DGKD: variants seen among roughly 807,000 people sequenced by gnomAD.
The protein encoded by DGKD is DAG kinase delta.
In DGKD, 68 loss-of-function variants were observed where a neutral mutation model predicts 154.4. The ratio of observed to expected loss-of-function variants is 0.44; its 90% confidence interval spans 0.36 to 0.54. The LOEUF (loss-of-function observed/expected upper bound fraction) is 0.54. Among genes scored for constraint, DGKD ranks in the 20% least tolerant of loss-of-function variants. The pLI is 0.00. For synonymous variants in DGKD, 693 were observed against 638.0 expected (o/e 1.09, Z -1.30); for missense variants, 1,343 against 1,593.6 (o/e 0.84, Z 2.68).
chr2:233,464,307 C>T (rs1483082236), intron 27 of DGKD, 24 bp downstream of exon 27: 1 of 1,610,082 alleles, frequency 6.2e-7, no homozygotes. Flanking sequence ...AGGGCTGTGC[C>T]TGGGTCTCCC....
chr2:233,468,583 G>A (rs1207888931), intron 29 of DGKD, 30 bp downstream of exon 29: 3 of 1,612,132 alleles, frequency 1.9e-6, no homozygotes, highest in Admixed American at 1.7e-5. Flanking sequence ...CCTGGAACCT[G>A]CACTTGGGCT....
At chr2:233,369,694 G>C (rs1056832544) in intron 1 of DGKD, among the ~76,000 whole-genome samples, 2 of 152,162 alleles carry the variant, frequency 1.3e-5, no homozygotes, top group African/African-American at 4.8e-5. Flanking sequence ...ACAATCTGGG[G>C]CTGGCCGTGG....
Position 233,454,808 on chromosome 2 carries a change from T to A in DGKD, c.2310T>A (p.Ile770=), listed in dbSNP as rs760960147. ...GTGTCATGAACAACTATTTTGGCAT[T>A]GGCCTGGATGCGAAGATATCCCTGG... ...EKCVMNNYFG[I]GLDAKISLDF... is the part of the protein sequence containing the mutation. Residue 770 remains isoleucine (I), a synonymous_variant, in exon 19 of 30, where the codon ATT becomes ATA. Coordinates refer to ENST00000264057, the MANE Select transcript of DGKD (RefSeq NM_152879.3). 2 of 1,614,054 alleles carry A rather than the reference T, an allele frequency of 1.2e-6. No homozygotes were observed. Among genetic ancestry groups the A allele is most frequent in the South Asian group, 2.2e-5 (2 of 91,076 alleles).
chr2:233,414,772 A>C (rs2061918209), intron 3 of DGKD, among the ~76,000 whole-genome samples: 1 of 152,126 alleles, frequency 6.6e-6, no homozygotes, highest in Admixed American at 6.5e-5. Flanking sequence ...CCTTAGAGTT[A>C]GTTTTGGGGG....
chr2:233,458,830 A>G lies in DGKD; in HGVS notation c.2694+433A>G, dbSNP rs1346551156. On this transcript the variant is annotated intron_variant, in intron 22 of 29. Coordinates refer to ENST00000264057, the MANE Select transcript of DGKD (RefSeq NM_152879.3). This position sits in a 1 kb window ranked among gnomAD's most constrained non-coding sequence, Gnocchi z 6.6. ...GCTGGTCTCGAACTCCTGACCTCAA[A>G]TGATCCACCCACCTTGGCCTCCCAA... is the stretch of plus-strand genomic sequence containing the variant. Among the ~76,000 whole-genome samples, 3 of 152,048 alleles carry G rather than the reference A, an allele frequency of 2.0e-5. No individual in the cohort carries two copies. Among genetic ancestry groups the G allele is most frequent in the African/African-American group, 7.2e-5 (3 of 41,404 alleles).
At chr2:233,429,019 A>G (rs1005009429) in intron 3 of DGKD, 1 of 640,830 alleles carries the variant, frequency 1.6e-6, no homozygotes, top group Non-Finnish European at 1.9e-6. Flanking sequence ...ATCTTAACTC[A>G]CTGTCTTTAA....
In DGKD at chr2:233,457,520, G is replaced by A; in HGVS notation, c.2580+192G>A. 1 of 678,552 alleles carries A rather than the reference G, an allele frequency of 1.5e-6. No homozygotes were observed. The highest frequency in any genetic ancestry group is 2.7e-6 in the Non-Finnish European group (1 of 369,166). The allele number at this position is 678,552 out of a possible 1,614,324, so 42.0% of individuals were successfully genotyped here. A position where few individuals can be genotyped will look rare whatever the true frequency, so the allele number is the denominator to read the frequency against. The stretch of plus-strand genomic sequence containing the variant: ...CTAGAGGGCTGAGCAGAGCAGTTGT[G>A]TCAGTGAAGGTGGTCAGTGAGGGTC... On this transcript the variant is annotated intron_variant, in intron 21 of 29. Coordinates refer to ENST00000264057, the MANE Select transcript of DGKD (RefSeq NM_152879.3). This position sits in a 1 kb window ranked among gnomAD's most constrained non-coding sequence, Gnocchi z 5.5.
rs531822062 is a variant in DGKD at position 233,355,281 on chromosome 2, C to G, written c.156+607C>G. 1.6e-4 allele frequency among the ~76,000 whole-genome samples: 25 copies of G among 152,350 alleles called. No individual in the cohort carries two copies. In the South Asian group the frequency reaches 5.2e-3, roughly 32 times the overall value. Reference sequence around the variant, plus strand: ...GCCGGGACCGCGCACCCGCTTGGCACCCAACTCTCCACGGAGAACTCCTGA... The same window carrying G: ...GCCGGGACCGCGCACCCGCTTGGCAGCCAACTCTCCACGGAGAACTCCTGA... On this transcript the variant is annotated intron_variant, in intron 1 of 29. Transcript: ENST00000264057.
intron 1 of DGKD, among the ~76,000 whole-genome samples, chr2:233,363,193 G>GC (rs1270171992): frequency 1.6e-4 from 25 of 152,198 alleles, no homozygotes; most frequent in African/African-American, 6.0e-4. Flanking sequence ...ACAGCTCCAT[G>GC]CACGTCATTG....
At chr2:233,398,200 T>A (rs544608457) in intron 3 of DGKD, among the ~76,000 whole-genome samples, 26 of 151,418 alleles carry the variant, frequency 1.7e-4, no homozygotes, top group Non-Finnish European at 2.9e-4. Flanking sequence ...TGGAGTGCAG[T>A]GGTGCGATCT....
chr2:233,398,822 C>T (rs774318365), intron 3 of DGKD, among the ~76,000 whole-genome samples: 1 of 152,108 alleles, frequency 6.6e-6, no homozygotes, highest in Non-Finnish European at 1.5e-5. Flanking sequence ...ATGGGTTTCA[C>T]CATGTTGGCC....
rs1381649191 is a variant in DGKD, at chr2:233,432,790, G to A, written c.349-1590G>A. ...ATCATCCAGTTAAAAAATAGGAAAA[G>A]TAGACATTTCTCAAAAGAAGACATA... On this transcript the variant is annotated intron_variant, in intron 3 of 29. Transcript: ENST00000264057. Among the ~76,000 whole-genome samples, 5 of 152,276 alleles carry A rather than the reference G, an allele frequency of 3.3e-5. No homozygotes were observed. In the East Asian group the frequency reaches 9.6e-4, roughly 29 times the overall value.
In DGKD at chr2:233,434,769, C is replaced by T. The variant is rs776057203; in HGVS notation, c.454C>T (p.Pro152Ser). ...TGCCCTCTTGGTTTCGTTCTTCCAGCCCACCCAGTACAGCATGGACCACTT... is the reference window on the plus strand; with the variant it reads ...TGCCCTCTTGGTTTCGTTCTTCCAGTCCACCCAGTACAGCATGGACCACTT... ...KTVQNREHFE[P>S]TQYSMDHFSG... Residue 152 changes from proline (P) to serine (S), a missense_variant and splice_region_variant, in exon 5 of 30, where the codon CCC (proline) becomes TCC (serine). This residue lies in a region of DGKD where 332 missense variants were observed against 400.1 expected (regional missense o/e 0.83). Transcript: ENST00000264057. 1 of 1,604,342 alleles carries T rather than the reference C, an allele frequency of 6.2e-7. No homozygotes were observed. Among genetic ancestry groups the T allele is most frequent in the Non-Finnish European group, 8.5e-7 (1 of 1,175,492 alleles).
chr2:233,397,876 TGAGTACAGCA>T (rs1177230152), intron 3 of DGKD, among the ~76,000 whole-genome samples: 3 of 151,426 alleles, frequency 2.0e-5, no homozygotes, highest in Non-Finnish European at 2.9e-5. Context: ...GGGCTTCTGC[TGAGTACAGCA>T]GCAGGCTGGT....
intron 6 of DGKD, 34 bp downstream of exon 6, chr2:233,435,958 G>A: frequency 6.4e-7 from 1 of 1,564,684 alleles, no homozygotes; most frequent in Non-Finnish European, 8.7e-7. Context: ...GGGGCCCTGA[G>A]CCAGGGTCCC....
At chr2:233,464,111 T>A (rs2063753409) in intron 26 of DGKD, 53 bp from the exon 27 acceptor site, 1 of 1,610,786 alleles carries the variant, frequency 6.2e-7, no homozygotes, top group Non-Finnish European at 8.5e-7. Flanking sequence ...GGCCTCGCGC[T>A]GATCAGCAGT....
chr2:233,403,540 G>A lies in DGKD; in HGVS notation c.348+13057G>A, dbSNP rs553317839. On this transcript the variant is annotated intron_variant, in intron 3 of 29. Transcript: ENST00000264057. ...CGCACCGTTGCACTCCAGCCTGGGC[G>A]ACAGAACAAGACTCCATCTCAAAAA... is the stretch of plus-strand genomic sequence containing the variant. Among the ~76,000 whole-genome samples, 85 of 151,806 alleles carry A rather than the reference G, an allele frequency of 5.6e-4. 1 individual carries two copies. Among genetic ancestry groups the A allele is most frequent in the African/African-American group, 2.0e-3 (82 of 41,402 alleles).
At chr2:233,454,690 C>A in intron 18 of DGKD, 73 bp from the exon 19 acceptor site, 1 of 860,164 alleles carries the variant, frequency 1.2e-6, no homozygotes, top group Non-Finnish European at 1.9e-6. Flanking sequence ...AAGAGAAATG[C>A]TGAGAGGTTG....
At chr2:233,454,404 T>G (rs1330575972) in intron 18 of DGKD, 1 of 474,722 alleles carries the variant, frequency 2.1e-6, no homozygotes, top group African/African-American at 2.0e-5. Flanking sequence ...CCCATTCCTG[T>G]GAACTGCCTA....
Sources: gnomAD v4.1 joint callset for allele counts (sites outside exome capture counted in the v4.1 genomes callset) on GRCh38, gnomAD v4.1.1 for gene constraint, gnomAD v4.1.1 regional missense constraint, Gnocchi (gnomAD v3.1) non-coding constraint, MANE v1.5 for transcripts, NCBI Gene and HGNC (gene_info 2026-07-23, HGNC 2026-07-21) for gene names.